Variants in CCM2L observed in about 807,000 individuals in gnomAD.
The protein encoded by CCM2L is cerebral cavernous malformations 2 protein-like.
Under a neutral mutation model 54.1 loss-of-function variants are expected in CCM2L, and 36 were observed. The ratio of observed to expected loss-of-function variants is 0.67; its 90% confidence interval spans 0.51 to 0.88. CCM2L has a LOEUF of 0.88. Among genes scored for constraint, CCM2L ranks in the 40% least tolerant of loss-of-function variants. CCM2L has a pLI of 0.00. For synonymous variants in CCM2L, 351 were observed against 359.3 expected, an observed-to-expected ratio of 0.98 and a Z score of 0.26; for missense variants, 700 against 812.1, an observed-to-expected ratio of 0.86 and a Z score of 1.68.
intron 8 of CCM2L, 51 bp downstream of exon 8, chr20:32,029,175 GAGTAAACAT>G: frequency 6.2e-7 from 1 of 1,613,144 alleles, no homozygotes; most frequent in Non-Finnish European, 8.5e-7. Context: ...CTGGAGGCTG[GAGTAAACAT>G]TTTGGGAATG....
Position 32,029,751 on chromosome 20 carries a change from C to T in CCM2L, c.1315C>T (p.Arg439Trp), listed in dbSNP as rs540781252. The change falls in exon 9 of 10, where the codon CGG (arginine) becomes TGG (tryptophan). Residue 439 changes from arginine (R) to tryptophan (W), a missense_variant. Physicochemically the swap from Arg to Trp is moderately radical, Grantham distance 101. Coordinates refer to ENST00000452892, the MANE Select transcript of CCM2L (RefSeq NM_001365692.1). ...LEIQQFAMLL[R>W]EYRLGLPIQD... ...GATCCAGCAGTTTGCGATGCTGCTG[C>T]GGGAGTACCGGCTGGGGCTGCCCAT... 1.2e-5 allele frequency: 20 copies of T among 1,613,410 alleles called. No individual in the cohort carries two copies. The highest frequency in any genetic ancestry group is 3.3e-5 in the South Asian group (3 of 91,052).
At chr20:32,022,972 C>CT (rs113018484) in intron 6 of CCM2L, among the ~76,000 whole-genome samples, 177 bp downstream of exon 6, 36,026 of 151,784 alleles carry the variant, frequency 0.24, 5,608 homozygotes, top group African/African-American at 0.43. Flanking sequence ...TTTTTCTTTT[C>CT]TTTTTTCTTT....
At chr20:32,015,198 G>A in intron 2 of CCM2L, 127 bp downstream of exon 2, 1 of 965,978 alleles carries the variant, frequency 1.0e-6, no homozygotes, top group South Asian at 2.3e-5. Context: ...AAGAGGCCTG[G>A]GTTCATGTCA....
rs930876817 is a variant in CCM2L, at chr20:32,018,947, G to A, written c.471G>A (p.Leu157=). 3 of 1,395,868 alleles carry A rather than the reference G, an allele frequency of 2.1e-6. No homozygotes were observed. Among genetic ancestry groups the A allele is most frequent in the African/African-American group, 3.0e-5 (2 of 66,198 alleles). 86.5% of individuals were successfully genotyped at this position (1,395,868 alleles called of 1,614,324 possible). Residue 157 remains leucine, a synonymous_variant, in exon 5 of 10, where the codon CTG becomes CTA. Coordinates refer to ENST00000452892, the MANE Select transcript of CCM2L (RefSeq NM_001365692.1). ...CGGTCCCCCGGACTCTCCTAGGTCT[G>A]GGTGTGGACCCGGTGCCGGCCGGCG... The part of the protein sequence containing the change: ...ALHLLVLKTG[L]GVDPVPAGVD...
chr20:32,011,951 C>T (rs1214029404), intron 1 of CCM2L, among the ~76,000 whole-genome samples: 2 of 151,638 alleles, frequency 1.3e-5, no homozygotes, highest in Admixed American at 6.6e-5. Flanking sequence ...GCTCCATAGC[C>T]GGCATTCAAG....
At chr20:32,013,508 C>T (rs996247156) in intron 1 of CCM2L, among the ~76,000 whole-genome samples, 1 of 152,102 alleles carries the variant, frequency 6.6e-6, no homozygotes, top group Admixed American at 6.6e-5. Flanking sequence ...GTGTTGCAAT[C>T]GCAGCTCACA....
intron 2 of CCM2L, among the ~76,000 whole-genome samples, chr20:32,015,298 T>C (rs1214669492): frequency 1.3e-5 from 2 of 152,032 alleles, no homozygotes; most frequent in African/African-American, 4.8e-5. Context: ...CTACCCCCAG[T>C]GGAGAGTGGA....
intron 6 of CCM2L, among the ~76,000 whole-genome samples, chr20:32,023,844 C>T (rs1403054422): frequency 6.6e-6 from 1 of 152,234 alleles, no homozygotes; most frequent in Non-Finnish European, 1.5e-5. Context: ...GATTCTCCTG[C>T]TTCAGCCTCC....
Position 32,029,123 on chromosome 20 carries a change from C to G in CCM2L, c.1262C>G (p.Thr421Arg). ...GLEQLQDYMV[T>R]LRSKLGPLEI... is the part of the protein sequence containing the mutation. ...GAGCAGTTACAGGATTACATGGTCA[C>G]GGTGAGCTGGGGCCGGTGGTGGGAA... The change falls in exon 8 of 10, where the codon ACG becomes AGG. Residue 421 changes from threonine (T) to arginine (R), a missense_variant and splice_region_variant. Transcript: ENST00000452892. 6.2e-7 allele frequency: 1 copy of G among 1,614,180 alleles called. No individual in the cohort carries two copies. Among genetic ancestry groups the G allele is most frequent in the Non-Finnish European group, 8.5e-7 (1 of 1,180,024 alleles).
rs1291009201 is a variant in CCM2L, at chr20:32,019,052, G to A, written c.576G>A (p.Ala192=). The A allele has an allele frequency of 7.7e-7, 1 of 1,297,150 alleles. No individual in the cohort carries two copies. Among genetic ancestry groups the A allele is most frequent in the Non-Finnish European group, 9.7e-7 (1 of 1,029,454 alleles). The allele number at this position is 1,297,150 out of a possible 1,614,324, so 80.4% of individuals were successfully genotyped here. ...CCGAGAAGCGGCGGGTGGGCACCGC[G>A]GAGCGGCGCCACACCATCTGCAGCC... ...GAPEKRRVGT[A]ERRHTICSLD... Residue 192 remains alanine (A), a synonymous_variant, in exon 5 of 10, where the codon GCG becomes GCA. Coordinates refer to ENST00000452892, the MANE Select transcript of CCM2L (RefSeq NM_001365692.1).
At chr20:32,010,988 A>G (rs2064689116) in intron 1 of CCM2L, among the ~76,000 whole-genome samples, 1 of 151,588 alleles carries the variant, frequency 6.6e-6, no homozygotes, top group Non-Finnish European at 1.5e-5. Flanking sequence ...GCCAGAAGCC[A>G]TTCCCCTCAC....
At position 32,018,931 on chromosome 20, in the gene CCM2L, G is replaced by T; in HGVS notation, c.467-12G>T. On this transcript the variant is annotated splice_polypyrimidine_tract_variant and intron_variant, in intron 4 of 9. Transcript: ENST00000452892. The stretch of plus-strand genomic sequence containing the variant: ...CGATCCCCGCGGCTGACGGTCCCCC[G>T]GACTCTCCTAGGTCTGGGTGTGGAC... 7.5e-7 allele frequency: 1 copy of T among 1,328,976 alleles called. No homozygotes were observed. The highest frequency in any genetic ancestry group is 9.6e-7 in the Non-Finnish European group (1 of 1,041,618). 82.3% of individuals were successfully genotyped at this position (1,328,976 alleles called of 1,614,324 possible). A position where few individuals can be genotyped will look rare whatever the true frequency, so the allele number is the denominator to read the frequency against.
At chr20:32,020,861 G>A (rs893873152) in intron 5 of CCM2L, among the ~76,000 whole-genome samples, 4 of 152,262 alleles carry the variant, frequency 2.6e-5, no homozygotes, top group Middle Eastern at 6.8e-3. Context: ...GCGGGTGCCT[G>A]TAATCTCAGC....
chr20:32,010,696 A>C (rs1184460384), intron 1 of CCM2L, among the ~76,000 whole-genome samples: 1 of 152,094 alleles, frequency 6.6e-6, no homozygotes, highest in Non-Finnish European at 1.5e-5. Flanking sequence ...TGGCATCCCT[A>C]ACGTGGACAG....
At position 32,031,442 on chromosome 20, in the gene CCM2L, G is replaced by T; in HGVS notation, c.*128G>T. ...CGGGGGGTCTTCACTCCAGGGTCTC[G>T]CTCCCTGCCCTTGGGGCCCGGGGCC... On this transcript the variant is annotated 3_prime_UTR_variant, in exon 10 of 10. Coordinates refer to ENST00000452892, the MANE Select transcript of CCM2L (RefSeq NM_001365692.1). The T allele has an allele frequency of 9.4e-6, 7 of 744,498 alleles. No homozygotes were observed. Among genetic ancestry groups the T allele is most frequent in the Non-Finnish European group, 1.3e-5 (7 of 538,312 alleles). The allele number at this position is 744,498 out of a possible 1,614,324, so 46.1% of individuals were successfully genotyped here.
At chr20:32,025,081 T>C (rs1157796097) in intron 6 of CCM2L, among the ~76,000 whole-genome samples, 2 of 149,820 alleles carry the variant, frequency 1.3e-5, no homozygotes, top group African/African-American at 2.5e-5. Context: ...CTTTCTTTCT[T>C]TCTCTCTTTC....
Position 32,031,159 on chromosome 20 carries a change from G to A in CCM2L, c.1561G>A (p.Ala521Thr), listed in dbSNP as rs1222042353. ...CTCCGCAGTGCGCAGCTACGATGGC[G>A]CGGCGCAGCGGCCCGAGGCACAGGC... Reference protein sequence around the residue: ...SASAVRSYDGAAQRPEAQAFH... With the variant: ...SASAVRSYDGTAQRPEAQAFH... The change falls in exon 10 of 10, where the codon GCG becomes ACG. Residue 521 changes from alanine to threonine, a missense_variant. Coordinates refer to ENST00000452892, the MANE Select transcript of CCM2L (RefSeq NM_001365692.1). 21 of 1,302,584 alleles carry A rather than the reference G, an allele frequency of 1.6e-5. No homozygotes were observed. The highest frequency in any genetic ancestry group is 2.5e-5 in the South Asian group (2 of 80,964). 80.7% of individuals were successfully genotyped at this position (1,302,584 alleles called of 1,614,324 possible). A position where few individuals can be genotyped will look rare whatever the true frequency, so the allele number is the denominator to read the frequency against.
Position 32,017,845 on chromosome 20 carries a change from AG to A in CCM2L, c.245del (p.Ser82IlefsTer9). 1 of 1,614,008 alleles carries A rather than the reference AG, an allele frequency of 6.2e-7. No homozygotes were observed. The highest frequency in any genetic ancestry group is 8.5e-7 in the Non-Finnish European group (1 of 1,180,010). On this transcript the variant is annotated frameshift_variant, in exon 3 of 10. Transcript: ENST00000452892. LOFTEE classifies it high-confidence loss of function. ...GGTGACTTCCTCACTGAACCCCTCC[AG>A]TCGGGACGAGCTCCTGCAGCTGCTA... ...TWVTSSLNPS[S>X]RDELLQLLDT...
At chr20:32,026,862 C>T (rs1339854324) in intron 7 of CCM2L, among the ~76,000 whole-genome samples, 18 of 146,680 alleles carry the variant, frequency 1.2e-4, no homozygotes, top group Admixed American at 6.3e-4. Flanking sequence ...GGCGACAGAG[C>T]GAGACTCTAT....
Sources: allele counts gnomAD v4.1 joint callset (sites outside exome capture counted in the v4.1 genomes callset), GRCh38; gene constraint gnomAD v4.1.1; transcripts MANE v1.5; gene names NCBI Gene and HGNC (gene_info 2026-07-23, HGNC 2026-07-21).